WWOX: variants seen among roughly 807,000 people sequenced by gnomAD.
WWOX encodes the protein WW domain containing oxidoreductase, also known as WW domain-containing oxidoreductase.
In WWOX, 69 loss-of-function variants were observed where a neutral mutation model predicts 46.2. The ratio of observed to expected loss-of-function variants is 1.49; its 90% CI spans 1.23 to 1.82. WWOX has a LOEUF of 1.82. WWOX is among the 40% of genes most tolerant of loss of function. The pLI is 0.00. For missense variants in WWOX, 919 were observed against 542.6 expected (o/e 1.69, Z -6.89); for synonymous variants, 359 against 202.6 (o/e 1.77, Z -6.56).
At chr16:78,668,272 C>G (rs1328241165) in intron 8 of WWOX, among the ~76,000 whole-genome samples, 3 of 152,166 alleles carry the variant, frequency 2.0e-5, no homozygotes, top group Non-Finnish European at 4.4e-5. Context: ...CAGAGCAAGA[C>G]TTTGTCTCAA....
At chr16:78,797,211 G>A (rs548312192) in intron 8 of WWOX, among the ~76,000 whole-genome samples, 2 of 152,144 alleles carry the variant, frequency 1.3e-5, no homozygotes, top group East Asian at 3.9e-4. Flanking sequence ...TAATCCATGA[G>A]AGTGGCTTCT....
chr16:79,017,343 TA>T (rs1477562416), intron 8 of WWOX: 1 of 138,744 alleles, frequency 7.2e-6, no homozygotes, highest in Non-Finnish European at 1.5e-5. Flanking sequence ...AGCAGGAGAA[TA>T]GCGTGAACCC....
chr16:78,629,128 CT>C (rs1367370635), intron 8 of WWOX, among the ~76,000 whole-genome samples: 1 of 152,050 alleles, frequency 6.6e-6, no homozygotes, highest in African/African-American at 2.4e-5. Context: ...AAAATGAAAA[CT>C]TTTCAAAGGG....
At chr16:78,316,021 G>C (rs1344788194) in intron 5 of WWOX, among the ~76,000 whole-genome samples, 1 of 151,900 alleles carries the variant, frequency 6.6e-6, no homozygotes, top group Non-Finnish European at 1.5e-5. Context: ...TGAGGTGGGC[G>C]GATCACTTGA....
chr16:79,096,806 A>G (rs1234415602), intron 8 of WWOX, among the ~76,000 whole-genome samples: 2 of 152,178 alleles, frequency 1.3e-5, no homozygotes, highest in East Asian at 1.9e-4. Context: ...CAAATTTTTG[A>G]TCTTAATACA....
intron 8 of WWOX, among the ~76,000 whole-genome samples, chr16:78,985,647 T>A (rs2046770147): frequency 6.6e-6 from 1 of 152,178 alleles, no homozygotes; most frequent in Non-Finnish European, 1.5e-5. Context: ...TGCATGCCTG[T>A]AGTCCCAGCT....
chr16:78,698,300 G>T (rs189867088), intron 8 of WWOX, among the ~76,000 whole-genome samples: 294 of 152,350 alleles, frequency 1.9e-3, no homozygotes, highest in African/African-American at 6.7e-3. Flanking sequence ...GACCCCATCA[G>T]TGTGCAGACG....
At chr16:78,369,367 G>C (rs968637469) in intron 5 of WWOX, among the ~76,000 whole-genome samples, 1 of 152,146 alleles carries the variant, frequency 6.6e-6, no homozygotes, top group African/African-American at 2.4e-5. Flanking sequence ...AAAGACTCAG[G>C]AAATGCTTTC....
chr16:78,222,042 C>T (rs1264779435), intron 5 of WWOX, among the ~76,000 whole-genome samples: 1 of 152,156 alleles, frequency 6.6e-6, no homozygotes, highest in Non-Finnish European at 1.5e-5. Flanking sequence ...CTGTGGGCTC[C>T]TAAAACATCC....
chr16:78,776,419 G>A (rs9934620), intron 8 of WWOX, among the ~76,000 whole-genome samples: 2 of 151,868 alleles, frequency 1.3e-5, no homozygotes, highest in Non-Finnish European at 2.9e-5. Flanking sequence ...CCTACTGTTC[G>A]TCAGTTTTCT....
At chr16:78,109,638 C>T (rs375745371) in intron 2 of WWOX, 140 bp from the exon 3 acceptor site, 14 of 798,660 alleles carry the variant, frequency 1.8e-5, no homozygotes, top group South Asian at 4.4e-5. Flanking sequence ...GAACATGTGA[C>T]GAAAGCCAGT....
At chr16:78,459,567 T>TA (rs2083903236) in intron 8 of WWOX, among the ~76,000 whole-genome samples, 1 of 152,232 alleles carries the variant, frequency 6.6e-6, no homozygotes, top group Non-Finnish European at 1.5e-5. Context: ...GTATATGGCT[T>TA]AATTGTAAGC....
intron 6 of WWOX, among the ~76,000 whole-genome samples, chr16:78,413,199 A>T (rs921548646): frequency 1.3e-5 from 2 of 152,186 alleles, no homozygotes; most frequent in African/African-American, 4.8e-5. Flanking sequence ...TCTCCCCGAG[A>T]ATTCAGGGAT....
chr16:78,906,636 G>T (rs1224249262), intron 8 of WWOX, among the ~76,000 whole-genome samples: 1 of 152,222 alleles, frequency 6.6e-6, no homozygotes, highest in Non-Finnish European at 1.5e-5. Flanking sequence ...GTCAGCTTCA[G>T]TGATGATAAA....
At chr16:78,851,502 T>C (rs1424744545) in intron 8 of WWOX, among the ~76,000 whole-genome samples, 1 of 152,224 alleles carries the variant, frequency 6.6e-6, no homozygotes. Context: ...CCTCAGAAGA[T>C]AATGAGCCTG....
intron 8 of WWOX, among the ~76,000 whole-genome samples, chr16:78,749,233 C>T (rs867686225): frequency 1.3e-5 from 2 of 152,096 alleles, no homozygotes; most frequent in African/African-American, 2.4e-5. Context: ...TAACCACCTA[C>T]ATCATAGGTA....
chr16:78,616,219 G>GTTT (rs112617111), intron 8 of WWOX, among the ~76,000 whole-genome samples: 1 of 149,428 alleles, frequency 6.7e-6, no homozygotes, highest in African/African-American at 2.5e-5. Flanking sequence ...CACTTTTGTG[G>GTTT]TTTTTTTTTT....
At chr16:78,731,828 C>A (rs2048975773) in intron 8 of WWOX, among the ~76,000 whole-genome samples, 1 of 147,640 alleles carries the variant, frequency 6.8e-6, no homozygotes, top group Non-Finnish European at 1.5e-5. Context: ...TCCCCAATGC[C>A]AATTTTTTTT....
At position 78,105,260 on chromosome 16, in the gene WWOX, G is replaced by A. The variant is rs1324525760; in HGVS notation, c.108-3163G>A. Among the ~76,000 whole-genome samples, 6 of 152,120 alleles carry A rather than the reference G, an allele frequency of 3.9e-5. No homozygotes were observed. The South Asian group carries it at 1.2e-3, about 32-fold the overall frequency. Reference sequence around the variant, plus strand: ...GTGGATCAGTTGAGGTCAGGAGTTCGAGACCTGCCTGGCCAACATGGTGAA... The same window carrying A: ...GTGGATCAGTTGAGGTCAGGAGTTCAAGACCTGCCTGGCCAACATGGTGAA... On this transcript the variant is annotated intron_variant, in intron 1 of 8. Transcript: ENST00000566780.
Sources: allele counts gnomAD v4.1 joint callset (sites outside exome capture counted in the v4.1 genomes callset), GRCh38; gene constraint gnomAD v4.1.1; transcripts MANE v1.5; gene names NCBI Gene and HGNC (gene_info 2026-07-23, HGNC 2026-07-21).